Variants in IL1RL2 observed in about 807,000 individuals in gnomAD.
The protein encoded by IL1RL2 is interleukin 1 receptor like 2, also known as interleukin-1 receptor-like 2.
A neutral mutation model predicts 66.8 loss-of-function variants in IL1RL2; 68 were observed. That is an observed-to-expected ratio of 1.02 (90% CI 0.84 to 1.25). IL1RL2 has a LOEUF of 1.25. Among genes scored for constraint, IL1RL2 ranks in the 50% most tolerant of loss-of-function variants. The pLI, the probability that IL1RL2 is intolerant of heterozygous loss-of-function variation, is 0.00. For synonymous variants in IL1RL2, 305 were observed against 264.6 expected (o/e 1.15, Z -1.48); for missense variants, 729 against 709.3 (o/e 1.03, Z -0.32).
chr2:102,199,173 G>T (rs1578110999), intron 4 of IL1RL2, among the ~76,000 whole-genome samples: 2 of 152,070 alleles, frequency 1.3e-5, no homozygotes, highest in East Asian at 1.9e-4. Flanking sequence ...CTTAGTTTAG[G>T]TTCCATTTGG....
intron 8 of IL1RL2, among the ~76,000 whole-genome samples, chr2:102,223,533 A>G (rs1349710702): frequency 6.6e-6 from 1 of 152,010 alleles, no homozygotes; most frequent in African/African-American, 2.4e-5. Context: ...CTATTTCAAA[A>G]CCCTGAGTCC....
At chr2:102,221,599 C>T (rs1003928400) in intron 8 of IL1RL2, among the ~76,000 whole-genome samples, 2 of 152,136 alleles carry the variant, frequency 1.3e-5, no homozygotes, top group African/African-American at 2.4e-5. Flanking sequence ...AGTTGCCAAG[C>T]TCTGTGGATT....
chr2:102,225,663 C>T (rs1481444001), intron 8 of IL1RL2, among the ~76,000 whole-genome samples: 1 of 152,072 alleles, frequency 6.6e-6, no homozygotes, highest in Non-Finnish European at 1.5e-5. Context: ...GACTTTTACT[C>T]GTATAAGTTC....
At position 102,218,933 on chromosome 2, in the gene IL1RL2, A is replaced by G. The variant is rs1559551056; in HGVS notation, c.725-20A>G. ...TTTGTAGAATTTTCATTGAATATTGATGATATTGGTTTTTTTTAGGTACCA... is the reference window on the plus strand; with the variant it reads ...TTTGTAGAATTTTCATTGAATATTGGTGATATTGGTTTTTTTTAGGTACCA... On this transcript the variant is annotated intron_variant, in intron 6 of 11. Transcript: ENST00000264257. 2 of 1,600,878 alleles carry G rather than the reference A, an allele frequency of 1.2e-6. No individual in the cohort carries two copies. The highest frequency in any genetic ancestry group is 1.7e-6 in the Non-Finnish European group (2 of 1,170,172).
chr2:102,211,998 A>G, intron 5 of IL1RL2, 102 bp from the exon 6 acceptor site: 1 of 706,934 alleles, frequency 1.4e-6, no homozygotes, highest in Non-Finnish European at 2.4e-6. Context: ...ACCAGAGCTT[A>G]TTGATGGTCT....
chr2:102,236,159 A>G (rs918643214), intron 11 of IL1RL2, among the ~76,000 whole-genome samples: 4 of 152,176 alleles, frequency 2.6e-5, no homozygotes, highest in African/African-American at 9.7e-5. Context: ...TTAGCTGTAA[A>G]CCCTCATCAC....
intron 8 of IL1RL2, among the ~76,000 whole-genome samples, chr2:102,225,486 G>C (rs1412772675): frequency 6.6e-6 from 1 of 152,206 alleles, no homozygotes; most frequent in Non-Finnish European, 1.5e-5. Flanking sequence ...TTGTAATCAA[G>C]AAAGGGCAGC....
At chr2:102,222,270 A>G (rs1347820286) in intron 8 of IL1RL2, among the ~76,000 whole-genome samples, 5 of 152,080 alleles carry the variant, frequency 3.3e-5, no homozygotes, top group East Asian at 3.9e-4. Flanking sequence ...CAATTTATCC[A>G]CTGGGCTATA....
At chr2:102,235,572 C>G in intron 11 of IL1RL2, 1 of 985,410 alleles carries the variant, frequency 1.0e-6, no homozygotes, top group Non-Finnish European at 1.2e-6. Flanking sequence ...CCCTTGAGAA[C>G]AGGACATGGA....
At chr2:102,188,108 C>A (rs1000538724) in intron 2 of IL1RL2, among the ~76,000 whole-genome samples, 183 bp downstream of exon 2, 3 of 152,218 alleles carry the variant, frequency 2.0e-5, no homozygotes, top group Non-Finnish European at 4.4e-5. Flanking sequence ...ATGCTCAGCC[C>A]TGAATGTCGC....
chr2:102,229,468 T>C (rs895682333), intron 9 of IL1RL2, among the ~76,000 whole-genome samples: 1 of 152,214 alleles, frequency 6.6e-6, no homozygotes, highest in African/African-American at 2.4e-5. Flanking sequence ...ACTCACCAGC[T>C]GGGAGACTTT....
At chr2:102,240,699 T>C (rs1675206775), downstream of IL1RL2, among the ~76,000 whole-genome samples, 1 of 152,202 alleles carries the variant, frequency 6.6e-6, no homozygotes, top group Non-Finnish European at 1.5e-5. Flanking sequence ...TCAATCACGA[T>C]ACTTTGGCTA....
At chr2:102,214,327 C>T (rs1372298199) in intron 6 of IL1RL2, among the ~76,000 whole-genome samples, 1 of 152,102 alleles carries the variant, frequency 6.6e-6, no homozygotes, top group Non-Finnish European at 1.5e-5. Flanking sequence ...TAATCACTAG[C>T]ATTTTCTTAT....
At chr2:102,222,700 A>G (rs1196463778) in intron 8 of IL1RL2, among the ~76,000 whole-genome samples, 1 of 151,878 alleles carries the variant, frequency 6.6e-6, no homozygotes, top group Non-Finnish European at 1.5e-5. Context: ...CAGGTTGAAA[A>G]CCTGTTTTCA....
At chr2:102,190,637 TG>T (rs553901330) in intron 3 of IL1RL2, among the ~76,000 whole-genome samples, 158 of 152,368 alleles carry the variant, frequency 1.0e-3, no homozygotes, top group Non-Finnish European at 5.9e-4. Context: ...TAGCTCTGCC[TG>T]GCTCCTTTCC....
At position 102,225,664 on chromosome 2, in the gene IL1RL2, G is replaced by T. The variant is rs2302621; in HGVS notation, c.992-234G>T. ...ACTAGGGCTCTGCAGACTTTTACTC[G>T]TATAAGTTCCCAGGAGCTGACTTGT... On this transcript the variant is annotated intron_variant, in intron 8 of 11. Coordinates refer to ENST00000264257, the MANE Select transcript of IL1RL2 (RefSeq NM_003854.4). Among the ~76,000 whole-genome samples the T allele has an allele frequency of 0.63, 95,722 of 151,884 alleles. 30,472 individuals carry two copies. The highest frequency in any genetic ancestry group is 0.69 in the Admixed American group (10,607 of 15,266).
chr2:102,189,699 C>T (rs1687061424), intron 3 of IL1RL2, among the ~76,000 whole-genome samples: 1 of 152,172 alleles, frequency 6.6e-6, no homozygotes, highest in Non-Finnish European at 1.5e-5. Flanking sequence ...CTCACTGCAA[C>T]CTCCGCCTCC....
chr2:102,226,324 C>G (rs1690608729), intron 9 of IL1RL2, among the ~76,000 whole-genome samples: 1 of 152,162 alleles, frequency 6.6e-6, no homozygotes, highest in Non-Finnish European at 1.5e-5. Flanking sequence ...ACAAAAGTTT[C>G]CACGTCCATC....
chr2:102,213,015 T>C (rs1689311807), intron 6 of IL1RL2, among the ~76,000 whole-genome samples: 1 of 152,016 alleles, frequency 6.6e-6, no homozygotes, highest in African/African-American at 2.4e-5. Flanking sequence ...GTAAAATAAA[T>C]ATGTTGTATT....
Sources: gnomAD v4.1 joint callset for allele counts (sites outside exome capture counted in the v4.1 genomes callset) on GRCh38, gnomAD v4.1.1 for gene constraint, MANE v1.5 for transcripts, NCBI Gene and HGNC (gene_info 2026-07-23, HGNC 2026-07-21) for gene names.